The following GALNT7 variants were observed in gnomAD, a reference collection of about 807,000 sequenced individuals.
The protein encoded by GALNT7 is N-acetylgalactosaminyltransferase 7.
GALNT7 carries 60 observed loss-of-function variants against 82.1 expected under a neutral mutation model. The observed-to-expected ratio is 0.73, with a 90% CI of 0.59 to 0.91. GALNT7 has a LOEUF of 0.91. GALNT7 is among the 40% of genes least tolerant of loss of function. GALNT7 has a pLI of 0.00. For missense variants in GALNT7, 660 were observed against 804.2 expected (o/e 0.82, Z 2.17); for synonymous variants, 243 against 275.1 (o/e 0.88, Z 1.15).
At chr4:173,274,328 A>T (rs1234240610) in intron 2 of GALNT7, among the ~76,000 whole-genome samples, 1 of 152,166 alleles carries the variant, frequency 6.6e-6, no homozygotes, top group Non-Finnish European at 1.5e-5. Context: ...CAACCTTTAA[A>T]ATTAAACTGA....
intron 1 of GALNT7, among the ~76,000 whole-genome samples, chr4:173,212,070 G>A (rs1222259446): frequency 6.6e-6 from 1 of 152,154 alleles, no homozygotes; most frequent in Non-Finnish European, 1.5e-5. Flanking sequence ...TTCACATGGT[G>A]CTGACAAGGA....
At chr4:173,200,012 G>A (rs544621992) in intron 1 of GALNT7, among the ~76,000 whole-genome samples, 1 of 152,284 alleles carries the variant, frequency 6.6e-6, no homozygotes, top group Non-Finnish European at 1.5e-5. Context: ...GGCAATCCAT[G>A]TATAGAATAA....
chr4:173,215,223 C>G (rs928259521), intron 1 of GALNT7, among the ~76,000 whole-genome samples: 1 of 142,844 alleles, frequency 7.0e-6, no homozygotes, highest in East Asian at 2.0e-4. Context: ...AACCTCTGCT[C>G]TTCTTCTTCT....
intron 8 of GALNT7, 102 bp downstream of exon 8, chr4:173,304,220 A>G (rs1737062484): frequency 2.2e-6 from 2 of 897,748 alleles, no homozygotes; most frequent in African/African-American, 3.4e-5. Context: ...TGGGCTCTTC[A>G]GCAGTCATGT....
chr4:173,197,676 A>G (rs1056124933), intron 1 of GALNT7, among the ~76,000 whole-genome samples: 7 of 152,348 alleles, frequency 4.6e-5, no homozygotes, highest in Middle Eastern at 3.4e-3. Context: ...GCTGTCGTCT[A>G]CTTCTGCTCT....
At chr4:173,274,938 G>A (rs1735847601) in intron 2 of GALNT7, among the ~76,000 whole-genome samples, 1 of 152,156 alleles carries the variant, frequency 6.6e-6, no homozygotes, top group Admixed American at 6.5e-5. Context: ...CTCCTCTGCT[G>A]CTCTTGCAGC....
chr4:173,235,975 G>C (rs551266487), intron 1 of GALNT7, among the ~76,000 whole-genome samples: 1 of 152,316 alleles, frequency 6.6e-6, no homozygotes, highest in Admixed American at 6.5e-5. Context: ...AGCCACAAAA[G>C]CAGGGATGTA....
intron 6 of GALNT7, 53 bp downstream of exon 6, chr4:173,298,350 A>C: frequency 2.5e-6 from 3 of 1,197,428 alleles, no homozygotes; most frequent in Non-Finnish European, 3.5e-6. Context: ...CTGCTAACCT[A>C]TTAACCTCTT....
rs1170832716 is a variant in GALNT7 at position 173,254,337 on chromosome 4, T to A, written c.587+5897T>A. Reference sequence around the variant, plus strand: ...GTAATTTTATCTAAGGTGAATTGTGTTTGTGAGGTTTTCTTATTCTCTATC... The same window carrying A: ...GTAATTTTATCTAAGGTGAATTGTGATTGTGAGGTTTTCTTATTCTCTATC... On this transcript the variant is annotated intron_variant, in intron 2 of 11. Coordinates refer to ENST00000265000, the MANE Select transcript of GALNT7 (RefSeq NM_017423.3). 2.6e-5 allele frequency among the ~76,000 whole-genome samples: 4 copies of A among 152,178 alleles called. No homozygotes were observed. In the East Asian group the frequency reaches 7.7e-4, roughly 29 times the overall value.
At chr4:173,183,043 A>AACACACACACACCACACACACAC (rs1331023696) in intron 1 of GALNT7, among the ~76,000 whole-genome samples, 1 of 125,034 alleles carries the variant, frequency 8.0e-6, no homozygotes, top group African/African-American at 2.9e-5. Context: ...CACACACATA[A>AACACACACACACCACACACACAC]ACACACACAC....
intron 1 of GALNT7, among the ~76,000 whole-genome samples, chr4:173,224,919 G>T (rs1561161577): frequency 6.6e-6 from 1 of 151,898 alleles, no homozygotes; most frequent in Non-Finnish European, 1.5e-5. Flanking sequence ...GGAGGCTGAG[G>T]CAGGAGAATG....
intron 1 of GALNT7, among the ~76,000 whole-genome samples, chr4:173,173,577 C>T (rs937380583): frequency 3.3e-5 from 5 of 152,042 alleles, no homozygotes; most frequent in African/African-American, 2.4e-5. Flanking sequence ...GAAACTGTTC[C>T]GCCTCAGATC....
Position 173,248,020 on chromosome 4 carries a change from G to T in GALNT7, c.167G>T (p.Gly56Val). ...DVNDPMPNRG[G>V]NGLAPGEDRF... ...AATGACCCCATGCCCAACCGAGGCG[G>T]CAATGGACTAGCTCCTGGGGAGGAC... is the stretch of plus-strand genomic sequence containing the variant. Residue 56 changes from glycine (G) to valine (V), a missense_variant, in exon 2 of 12, where the codon GGC (glycine) becomes GTC (valine). Gly to Val is a moderately radical substitution (Grantham distance 109, BLOSUM62 -3). Around this residue, in one of 2 missense-constraint regions of GALNT7, gnomAD observed 133 missense variants for 120.7 expected, o/e 1.10. Transcript: ENST00000265000. 6.2e-7 allele frequency: 1 copy of T among 1,613,468 alleles called. No homozygotes were observed. Among genetic ancestry groups the T allele is most frequent in the Non-Finnish European group, 8.5e-7 (1 of 1,179,592 alleles).
intron 1 of GALNT7, among the ~76,000 whole-genome samples, chr4:173,188,368 TG>T (rs1388754456): frequency 6.6e-6 from 1 of 152,172 alleles, no homozygotes; most frequent in Non-Finnish European, 1.5e-5. Context: ...TGAACCAAGG[TG>T]TATTATCAGG....
intron 2 of GALNT7, among the ~76,000 whole-genome samples, chr4:173,260,356 T>A (rs1735216309): frequency 6.6e-6 from 1 of 152,208 alleles, no homozygotes; most frequent in South Asian, 2.1e-4. Flanking sequence ...TGTCAGGCTG[T>A]TTTAAGGCAG....
At chr4:173,182,791 T>C (rs990262361) in intron 1 of GALNT7, among the ~76,000 whole-genome samples, 1 of 140,234 alleles carries the variant, frequency 7.1e-6, no homozygotes, top group Non-Finnish European at 1.5e-5. Context: ...TGCCTCTGAA[T>C]GATGAGGCTA....
At chr4:173,203,646 G>A (rs1450538811) in intron 1 of GALNT7, among the ~76,000 whole-genome samples, 1 of 151,830 alleles carries the variant, frequency 6.6e-6, no homozygotes, top group Non-Finnish European at 1.5e-5. Context: ...TTTTCTTTGT[G>A]GTTACCGTTA....
At chr4:173,216,727 A>ATATATATATATATATTTTT (rs71244915) in intron 1 of GALNT7, among the ~76,000 whole-genome samples, 6 of 12,980 alleles carry the variant, frequency 4.6e-4, no homozygotes, top group African/African-American at 1.7e-3. Context: ...ATATATATAT[A>ATATATATATATATATTTTT]TTTTTTTTTT....
intron 1 of GALNT7, among the ~76,000 whole-genome samples, chr4:173,238,115 A>G (rs115105907): frequency 0.017 from 2,618 of 152,340 alleles, 79 homozygotes; most frequent in African/African-American, 0.058. Context: ...ATGTGCATAC[A>G]TAATATATAT....
Sources: gnomAD v4.1 joint callset for allele counts (sites outside exome capture counted in the v4.1 genomes callset) on GRCh38, gnomAD v4.1.1 for gene constraint, gnomAD v4.1.1 regional missense constraint, MANE v1.5 for transcripts, NCBI Gene and HGNC (gene_info 2026-07-23, HGNC 2026-07-21) for gene names.